Variants in CADM3 observed in about 807,000 individuals in gnomAD.
The protein encoded by CADM3 is TSLC1-like 1.
In CADM3, 11 loss-of-function variants were observed where a neutral mutation model predicts 44.9. That is an observed-to-expected ratio of 0.25 (90% CI 0.15 to 0.41). The LOEUF (loss-of-function observed/expected upper bound fraction) is 0.41, where lower values mean the gene tolerates loss of function less well. CADM3 is among the 10% of genes least tolerant of loss of function. The pLI is 1.00. For synonymous variants in CADM3, 207 were observed against 205.2 expected (o/e 1.01, Z -0.08); for missense variants, 426 against 512.0 (o/e 0.83, Z 1.62).
chr1:159,198,414 T>C (rs1284008149), intron 7 of CADM3, among the ~76,000 whole-genome samples: 4 of 152,080 alleles, frequency 2.6e-5, no homozygotes. Context: ...AGCAGGTAAC[T>C]CACTCTGCTT....
chr1:159,192,775 A>T, intron 3 of CADM3, 45 bp downstream of exon 3: 2 of 1,584,128 alleles, frequency 1.3e-6, no homozygotes, highest in Non-Finnish European at 1.7e-6. Flanking sequence ...GCTTCCTTGC[A>T]AACAAACCTC....
chr1:159,175,612 T>C (rs185771024), intron 1 of CADM3, among the ~76,000 whole-genome samples: 30 of 152,376 alleles, frequency 2.0e-4, no homozygotes, highest in African/African-American at 6.7e-4. Context: ...CACATTCTTA[T>C]AATCCTTAAG....
rs926919175 is a variant in CADM3 at position 159,200,990 on chromosome 1, G to A, written c.*68G>A. 3.4e-6 allele frequency: 4 copies of A among 1,178,962 alleles called. No homozygotes were observed. The African/African-American group carries it at 6.2e-5, about 18-fold the overall frequency. The allele number at this position is 1,178,962 out of a possible 1,614,324, so 73.0% of individuals were successfully genotyped here. ...GACTGCTGGGGCCGTCACCAACCCGGACTTGTACAGAGCAACCGCAGGGCC... is the reference window on the plus strand; with the variant it reads ...GACTGCTGGGGCCGTCACCAACCCGAACTTGTACAGAGCAACCGCAGGGCC... On this transcript the variant is annotated 3_prime_UTR_variant, in exon 9 of 9. Transcript: ENST00000368125.
chr1:159,173,019 C>G (rs771777136), intron 1 of CADM3, among the ~76,000 whole-genome samples: 3 of 151,742 alleles, frequency 2.0e-5, no homozygotes, highest in Non-Finnish European at 4.4e-5. Flanking sequence ...ACCGCCCTGT[C>G]GGAAGAGGAG....
At chr1:159,187,611 T>A (rs1316535200) in intron 1 of CADM3, among the ~76,000 whole-genome samples, 1 of 152,108 alleles carries the variant, frequency 6.6e-6, no homozygotes, top group Non-Finnish European at 1.5e-5. Flanking sequence ...TTTCCTCCAC[T>A]CATTTGAGCA....
chr1:159,192,709 A>C lies in CADM3; in HGVS notation c.361A>C (p.Lys121Gln). ...SIFTMPVRTA[K>Q]SLVTVLGIPQ... is the part of the protein sequence containing the mutation. ...CTTCACTATGCCTGTGCGAACTGCC[A>C]AGTCCCTCGTCACTGTGCTAGGTGA... is the stretch of plus-strand genomic sequence containing the variant. Residue 121 changes from lysine to glutamine, a missense_variant, in exon 3 of 9, where the codon AAG (lysine) becomes CAG (glutamine). Transcript: ENST00000368125. The C allele has an allele frequency of 1.2e-6, 2 of 1,613,756 alleles. No homozygotes were observed. The highest frequency in any genetic ancestry group is 1.7e-6 in the Non-Finnish European group (2 of 1,179,908).
At chr1:159,186,512 G>A (rs1357387410) in intron 1 of CADM3, among the ~76,000 whole-genome samples, 1 of 151,998 alleles carries the variant, frequency 6.6e-6, no homozygotes, top group East Asian at 1.9e-4. Flanking sequence ...TTCCCTTCCA[G>A]TCTGCATTCA....
chr1:159,189,150 G>A (rs1212620902), intron 1 of CADM3, among the ~76,000 whole-genome samples: 1 of 152,162 alleles, frequency 6.6e-6, no homozygotes, highest in Admixed American at 6.5e-5. Context: ...GAAACAAATA[G>A]AGCTTTGTAT....
chr1:159,198,071 G>C (rs1649982968), intron 7 of CADM3: 1 of 152,282 alleles, frequency 6.6e-6, no homozygotes, highest in South Asian at 2.1e-4. Context: ...TTGTGCCCTT[G>C]TGGTTGGTAT....
At chr1:159,193,793 C>CCATCTGTACGTCTACA in intron 4 of CADM3, 77 bp from the exon 5 acceptor site, 1 of 1,567,860 alleles carries the variant, frequency 6.4e-7, no homozygotes, top group Non-Finnish European at 8.7e-7. Flanking sequence ...ATGAGGCCCA[C>CCATCTGTACGTCTACA]ATGATATCTG....
intron 1 of CADM3, among the ~76,000 whole-genome samples, chr1:159,186,139 G>A (rs753774774): frequency 2.0e-5 from 3 of 152,154 alleles, no homozygotes; most frequent in Admixed American, 6.5e-5. Context: ...GCAAAGGAAC[G>A]GATGCAGAAA....
At chr1:159,194,254 G>A (rs1368576397) in intron 5 of CADM3, 1 of 490,072 alleles carries the variant, frequency 2.0e-6, no homozygotes, top group Non-Finnish European at 3.6e-6. Context: ...TACAGCCTCT[G>A]TGTCAACTAC....
chr1:159,177,377 G>A (rs1198602897), intron 1 of CADM3, among the ~76,000 whole-genome samples: 1 of 152,110 alleles, frequency 6.6e-6, no homozygotes, highest in Non-Finnish European at 1.5e-5. Context: ...TCCTGTGCTT[G>A]AGAGCTGGCT....
At chr1:159,184,522 G>A (rs16841832) in intron 1 of CADM3, among the ~76,000 whole-genome samples, 31,925 of 152,020 alleles carry the variant, frequency 0.21, 4,522 homozygotes, top group East Asian at 0.53. Context: ...CTGGACTCAA[G>A]CACTGGCAAG....
intron 1 of CADM3, among the ~76,000 whole-genome samples, chr1:159,181,850 G>A (rs766042494): frequency 2.6e-5 from 4 of 152,120 alleles, no homozygotes; most frequent in African/African-American, 4.8e-5. Context: ...TCTGCTCCTC[G>A]GAATCTTAAC....
intron 1 of CADM3, among the ~76,000 whole-genome samples, chr1:159,177,245 GCA>G (rs1197419287): frequency 6.6e-6 from 1 of 152,092 alleles, no homozygotes; most frequent in South Asian, 2.1e-4. Context: ...TCATTTTTCA[GCA>G]CAGTCTCTTG....
chr1:159,172,400 G>T (rs1648850721), intron 1 of CADM3, among the ~76,000 whole-genome samples: 2 of 152,118 alleles, frequency 1.3e-5, no homozygotes. Context: ...GCTCCGAGTG[G>T]GCAGAGAAGG....
Position 159,197,152 on chromosome 1 carries a change from CTG to C in CADM3, c.952+95_952+96del. 2.2e-6 allele frequency: 3 copies of C among 1,376,756 alleles called. No individual in the cohort carries two copies. The South Asian group carries it at 4.0e-5, about 18-fold the overall frequency. 85.3% of individuals were successfully genotyped at this position (1,376,756 alleles called of 1,614,324 possible). On this transcript the variant is annotated intron_variant, in intron 7 of 8. Coordinates refer to ENST00000368125, the MANE Select transcript of CADM3 (RefSeq NM_001127173.3). The stretch of plus-strand genomic sequence containing the variant: ...AATGCTTCCTGATAACATCCCCAAA[CTG>C]TGACGGGGAGTGGAGTAAAGGAAAA...
At chr1:159,175,651 C>T (rs1648988510) in intron 1 of CADM3, among the ~76,000 whole-genome samples, 2 of 152,208 alleles carry the variant, frequency 1.3e-5, no homozygotes, top group African/African-American at 4.8e-5. Flanking sequence ...CCACACAGTT[C>T]AAAATCCTCT....
Sources: allele counts gnomAD v4.1 joint callset (sites outside exome capture counted in the v4.1 genomes callset), GRCh38; gene constraint gnomAD v4.1.1; transcripts MANE v1.5; gene names NCBI Gene and HGNC (gene_info 2026-07-23, HGNC 2026-07-21).